BTG4: variants seen among roughly 807,000 people sequenced by gnomAD.
BTG4 encodes the protein BTG anti-proliferation factor 4, also known as protein BTG4.
A neutral mutation model predicts 19.3 loss-of-function variants in BTG4; 10 were observed. The ratio of observed to expected loss-of-function variants is 0.52; its 90% CI spans 0.32 to 0.88. The LOEUF (loss-of-function observed/expected upper bound fraction) is 0.88, where lower values mean the gene tolerates loss of function less well. Ranked by LOEUF, BTG4 falls within the 40% of genes least tolerant of loss-of-function variation. The pLI is 0.04. For synonymous variants in BTG4, 91 were observed against 95.7 expected, an observed-to-expected ratio of 0.95 and a Z score of 0.29; for missense variants, 238 against 281.9, an observed-to-expected ratio of 0.84 and a Z score of 1.11.
Position 111,497,207 on chromosome 11 carries a change from T to A in BTG4, c.510+4A>T. ...GTATAGAAAAGAACTGGAACACTCTTGACCTGATAAATACTCTTCGGATTG... is the reference window on the plus strand; with the variant it reads ...GTATAGAAAAGAACTGGAACACTCTAGACCTGATAAATACTCTTCGGATTG... On this transcript the variant is annotated splice_donor_region_variant and intron_variant, in intron 4 of 4. Transcript: ENST00000692032. The A allele has an allele frequency of 1.9e-6, 3 of 1,611,940 alleles. No individual in the cohort carries two copies. Among genetic ancestry groups the A allele is most frequent in the Non-Finnish European group, 2.5e-6 (3 of 1,178,458 alleles).
chr11:111,500,409 A>G (rs1003487402), intron 1 of BTG4, among the ~76,000 whole-genome samples: 1 of 152,220 alleles, frequency 6.6e-6, no homozygotes. Flanking sequence ...AAAAAGCTCC[A>G]AATAACAGCC....
At chr11:111,440,338 G>T in the BTG4 span, among the ~76,000 whole-genome samples, 1 of 152,192 alleles carries the variant, frequency 6.6e-6, no homozygotes, top group African/African-American at 2.4e-5. Flanking sequence ...CAAAAGAAAA[G>T]AAATTGCAAC....
the BTG4 span, among the ~76,000 whole-genome samples, chr11:111,445,174 C>A: frequency 6.6e-6 from 1 of 152,188 alleles, no homozygotes; most frequent in African/African-American, 2.4e-5. Context: ...TGCCATCAAC[C>A]AGTTATGTGA....
the BTG4 span, among the ~76,000 whole-genome samples, chr11:111,390,896 G>A: frequency 2.3e-4 from 35 of 152,294 alleles, no homozygotes; most frequent in African/African-American, 8.4e-4. Flanking sequence ...AAAGTTCCAG[G>A]CAGATTGCTA....
chr11:111,514,391 G>C (rs1867140414), upstream of BTG4: 1 of 267,428 alleles, frequency 3.7e-6, no homozygotes, highest in Non-Finnish European at 7.3e-6. Flanking sequence ...AGCAGGTGCT[G>C]TCCCTGGCAA....
chr11:111,473,067 C>G (rs1189117319), intron 5 of BTG4, among the ~76,000 whole-genome samples: 1 of 150,566 alleles, frequency 6.6e-6, no homozygotes, highest in Non-Finnish European at 1.5e-5. Flanking sequence ...ATGAGGAAAC[C>G]GAGGCCTAGA....
chr11:111,393,895 A>G, the BTG4 span, among the ~76,000 whole-genome samples: 1 of 152,264 alleles, frequency 6.6e-6, no homozygotes, highest in African/African-American at 2.4e-5. Context: ...GAAGAATTTT[A>G]TCTCTGGAAT....
At chr11:111,456,886 A>C in the BTG4 span, 1 of 183,846 alleles carries the variant, frequency 5.4e-6, no homozygotes, top group Non-Finnish European at 1.2e-5. This position sits in a 1 kb window ranked among gnomAD's most constrained non-coding sequence, Gnocchi z 4.2. Flanking sequence ...CTTGGTGACC[A>C]GCAGAGTAGT....
chr11:111,444,700 A>G, the BTG4 span, among the ~76,000 whole-genome samples: 41 of 152,356 alleles, frequency 2.7e-4, no homozygotes, highest in African/African-American at 9.4e-4. Flanking sequence ...CTATGTACCT[A>G]CAAAAATTTA....
the BTG4 span, chr11:111,401,140 G>A: frequency 6.7e-6 from 1 of 148,362 alleles, no homozygotes; most frequent in African/African-American, 2.5e-5. Context: ...TTACATAAAT[G>A]CCAATTTCTT....
chr11:111,388,224 C>A, the BTG4 span, among the ~76,000 whole-genome samples: 1 of 151,980 alleles, frequency 6.6e-6, no homozygotes, highest in African/African-American at 2.4e-5. Flanking sequence ...AAGAGATATT[C>A]TTTGGGCCCC....
chr11:111,423,323 G>C, the BTG4 span, among the ~76,000 whole-genome samples: 2 of 152,184 alleles, frequency 1.3e-5, no homozygotes, highest in African/African-American at 4.8e-5. Flanking sequence ...CCAAATAAGG[G>C]CAGCATTATC....
chr11:111,401,863 T>A, the BTG4 span, among the ~76,000 whole-genome samples: 1 of 151,896 alleles, frequency 6.6e-6, no homozygotes. Flanking sequence ...ATGTGTTGAG[T>A]GAATGAATGA....
chr11:111,432,946 C>T, the BTG4 span, among the ~76,000 whole-genome samples: 1 of 152,076 alleles, frequency 6.6e-6, no homozygotes, highest in African/African-American at 2.4e-5. Flanking sequence ...TCCACCTCCA[C>T]CTCCCAAAGT....
the BTG4 span, chr11:111,414,763 T>C: frequency 2.6e-5 from 4 of 152,224 alleles, no homozygotes; most frequent in African/African-American, 9.7e-5. Flanking sequence ...GCAAGATCAG[T>C]GCCTCCTCTG....
At chr11:111,465,687 A>C (rs1000733120), downstream of BTG4, among the ~76,000 whole-genome samples, 1 of 152,174 alleles carries the variant, frequency 6.6e-6, no homozygotes, top group South Asian at 2.1e-4. Context: ...CAACACTATG[A>C]AGGCAGTGCC....
At chr11:111,514,318 G>T, upstream of BTG4, 1 of 199,786 alleles carries the variant, frequency 5.0e-6, no homozygotes, top group Non-Finnish European at 1.0e-5. Flanking sequence ...CAGGCCTCTA[G>T]CTCCCAAGGG....
At chr11:111,468,822 T>C (rs1403492168) in intron 5 of BTG4, among the ~76,000 whole-genome samples, 1 of 152,146 alleles carries the variant, frequency 6.6e-6, no homozygotes, top group African/African-American at 2.4e-5. Context: ...ATCCAGGAAT[T>C]TGGGGATGGG....
At chr11:111,503,489 C>T (rs926118348) in intron 1 of BTG4, among the ~76,000 whole-genome samples, 1 of 152,158 alleles carries the variant, frequency 6.6e-6, no homozygotes, top group Admixed American at 6.5e-5. Flanking sequence ...CATTATAAGA[C>T]ATTTGTTCCC....
Sources: allele counts gnomAD v4.1 joint callset (sites outside exome capture counted in the v4.1 genomes callset), GRCh38; gene constraint gnomAD v4.1.1; non-coding constraint Gnocchi (gnomAD v3.1); transcripts MANE v1.5; gene names NCBI Gene and HGNC (gene_info 2026-07-23, HGNC 2026-07-21).